TBC1D5: variants seen among roughly 807,000 people sequenced by gnomAD.
TBC1D5 encodes TBC1 domain family member 5.
TBC1D5 carries 75 observed loss-of-function variants against 100.3 expected under a neutral mutation model. That is an observed-to-expected ratio of 0.75 (90% CI 0.62 to 0.91). The LOEUF is 0.91. TBC1D5 is among the 40% of genes least tolerant of loss of function. The pLI, the probability that TBC1D5 is intolerant of heterozygous loss-of-function variation, is 0.00. For missense variants in TBC1D5, 910 were observed against 942.4 expected (o/e 0.97, Z 0.45); for synonymous variants, 323 against 325.6 (o/e 0.99, Z 0.09).
At chr3:17,619,244 T>G (rs1254834731) in intron 2 of TBC1D5, among the ~76,000 whole-genome samples, 1 of 152,092 alleles carries the variant, frequency 6.6e-6, no homozygotes, top group Admixed American at 6.5e-5. Context: ...TCATAAAGCT[T>G]TTTACGGAGT....
At chr3:17,263,573 T>G (rs535113466) in intron 15 of TBC1D5, among the ~76,000 whole-genome samples, 7 of 152,162 alleles carry the variant, frequency 4.6e-5, no homozygotes, top group Non-Finnish European at 8.8e-5. Flanking sequence ...GTTAATGTTG[T>G]TGAAACTCTA....
At chr3:17,438,881 T>C (rs1226867255) in intron 3 of TBC1D5, among the ~76,000 whole-genome samples, 1 of 152,086 alleles carries the variant, frequency 6.6e-6, no homozygotes, top group African/African-American at 2.4e-5. Context: ...CTAATTGATA[T>C]TTAGGGAATT....
Position 17,713,071 on chromosome 3 carries a change from T to A in TBC1D5, c.-101+26272A>T, listed in dbSNP as rs192094313. On this transcript the variant is annotated intron_variant, in intron 1 of 21. Coordinates refer to ENST00000253692, the Ensembl canonical transcript of TBC1D5. The stretch of plus-strand genomic sequence containing the variant: ...TTACTTGATTTATCTGACGAGGTCG[T>A]CTCCTGGTTCTTTTCTGACCTGTCA... Among the ~76,000 whole-genome samples, 17 of 152,294 alleles carry A rather than the reference T, an allele frequency of 1.1e-4. No individual in the cohort carries two copies. The East Asian group carries it at 3.1e-3, about 28-fold the overall frequency.
chr3:17,499,823 T>C (rs2095762564), intron 3 of TBC1D5, among the ~76,000 whole-genome samples: 2 of 149,594 alleles, frequency 1.3e-5, no homozygotes, highest in South Asian at 4.2e-4. Context: ...TTGTTTCATA[T>C]TTTAGGTTTT....
At chr3:17,298,731 C>T (rs2082512413) in intron 14 of TBC1D5, among the ~76,000 whole-genome samples, 1 of 152,068 alleles carries the variant, frequency 6.6e-6, no homozygotes, top group East Asian at 1.9e-4. Flanking sequence ...TGAAAAGACT[C>T]AAGAGGAAAC....
intron 1 of TBC1D5, among the ~76,000 whole-genome samples, chr3:17,733,571 A>C (rs1021941027): frequency 6.6e-6 from 1 of 152,234 alleles, no homozygotes; most frequent in Non-Finnish European, 1.5e-5. Context: ...ACATAAAAGT[A>C]GAATCACAAA....
chr3:17,375,768 G>GA (rs532635385), intron 10 of TBC1D5, among the ~76,000 whole-genome samples: 1 of 152,086 alleles, frequency 6.6e-6, no homozygotes, highest in Non-Finnish European at 1.5e-5. Flanking sequence ...ACAAAGGCCT[G>GA]AATATATGCT....
intron 3 of TBC1D5, among the ~76,000 whole-genome samples, chr3:17,440,601 A>C (rs2094632411): frequency 6.6e-6 from 1 of 152,132 alleles, no homozygotes; most frequent in African/African-American, 2.4e-5. Flanking sequence ...TGGGTGACAA[A>C]GTAAGACTTT....
At chr3:17,324,333 G>C (rs2085806517) in intron 13 of TBC1D5, among the ~76,000 whole-genome samples, 1 of 152,124 alleles carries the variant, frequency 6.6e-6, no homozygotes, top group South Asian at 2.1e-4. Flanking sequence ...ACTTATCTTT[G>C]AAAGGTACCA....
intron 9 of TBC1D5, among the ~76,000 whole-genome samples, chr3:17,383,307 G>A (rs1439335270): frequency 6.6e-6 from 1 of 151,628 alleles, no homozygotes. Flanking sequence ...ACCCAAGTGT[G>A]TGTATTTTTA....
At chr3:17,383,806 T>C in intron 9 of TBC1D5, 107 bp downstream of exon 9, 1 of 809,506 alleles carries the variant, frequency 1.2e-6, no homozygotes, top group Non-Finnish European at 1.9e-6. Flanking sequence ...TTTAGCATTA[T>C]GATACAACTT....
chr3:17,406,549 T>C, intron 4 of TBC1D5, 23 bp from the exon 5 acceptor site: 1 of 1,589,498 alleles, frequency 6.3e-7, no homozygotes, highest in Non-Finnish European at 8.6e-7. Flanking sequence ...AACCAAAGCA[T>C]GAGAATCCTT....
At chr3:17,445,278 T>A (rs114328304) in intron 3 of TBC1D5, among the ~76,000 whole-genome samples, 169 of 152,310 alleles carry the variant, frequency 1.1e-3, no homozygotes, top group African/African-American at 3.9e-3. Context: ...TCTTTTCATA[T>A]GACCTGTGGA....
chr3:17,483,262 G>A (rs377055051), intron 3 of TBC1D5, among the ~76,000 whole-genome samples: 2 of 151,968 alleles, frequency 1.3e-5, no homozygotes, highest in South Asian at 4.2e-4. Context: ...GAATTCTATG[G>A]AATGCCATTA....
At chr3:17,567,126 T>C (rs2096598543) in intron 2 of TBC1D5, among the ~76,000 whole-genome samples, 1 of 151,844 alleles carries the variant, frequency 6.6e-6, no homozygotes, top group Admixed American at 6.6e-5. Flanking sequence ...TATGATTTGG[T>C]AATACATATT....
At position 17,590,025 on chromosome 3, in the gene TBC1D5, G is replaced by A. The variant is rs375369197; in HGVS notation, c.-36+33824C>T. 1.0e-3 allele frequency among the ~76,000 whole-genome samples: 155 copies of A among 152,292 alleles called. 2 individuals carry two copies. The South Asian group carries it at 0.018, about 18-fold the overall frequency. Reference sequence around the variant, plus strand: ...CAGTATGGGGCACAGCAAGTGCAAAGGTCCAAAAGCAGCTGTGAGATCAGC... The same window carrying A: ...CAGTATGGGGCACAGCAAGTGCAAAAGTCCAAAAGCAGCTGTGAGATCAGC... On this transcript the variant is annotated intron_variant, in intron 2 of 21. Transcript: ENST00000253692.
chr3:17,733,626 T>G (rs974954493), intron 1 of TBC1D5, among the ~76,000 whole-genome samples: 7 of 152,218 alleles, frequency 4.6e-5, no homozygotes, highest in Non-Finnish European at 7.4e-5. Flanking sequence ...GGTAGAGTGA[T>G]TTTCCAGATA....
chr3:17,202,204 T>A (rs1053581297), intron 18 of TBC1D5, among the ~76,000 whole-genome samples: 2 of 152,242 alleles, frequency 1.3e-5, no homozygotes, highest in African/African-American at 4.8e-5. Context: ...AAGAGACTGG[T>A]GGCATTGTGC....
At chr3:17,463,856 A>C (rs1009810084) in intron 3 of TBC1D5, among the ~76,000 whole-genome samples, 2 of 150,182 alleles carry the variant, frequency 1.3e-5, no homozygotes, top group Non-Finnish European at 3.0e-5. Context: ...ATGCAATCGT[A>C]TCTCTTCTCA....
Sources: gnomAD v4.1 joint callset for allele counts (sites outside exome capture counted in the v4.1 genomes callset) on GRCh38, gnomAD v4.1.1 for gene constraint, MANE v1.5 for transcripts, NCBI Gene and HGNC (gene_info 2026-07-23, HGNC 2026-07-21) for gene names.